KIAA1671: variants seen among roughly 807,000 people sequenced by gnomAD.
The protein encoded by KIAA1671 is uncharacterized protein KIAA1671.
Under a neutral mutation model 131.2 loss-of-function variants are expected in KIAA1671, and 52 were observed. That is an observed-to-expected ratio of 0.40 (90% CI 0.32 to 0.50). The LOEUF (loss-of-function observed/expected upper bound fraction) is 0.50, where lower values mean the gene tolerates loss of function less well. Ranked by LOEUF, KIAA1671 falls within the 20% of genes least tolerant of loss-of-function variation. The pLI is 0.73. For synonymous variants in KIAA1671, 1,003 were observed against 961.6 expected (o/e 1.04, Z -0.80); for missense variants, 2,360 against 2,364.2 (o/e 1.00, Z 0.04).
At chr22:25,166,861 C>T (rs1933663646) in intron 6 of KIAA1671, among the ~76,000 whole-genome samples, 1 of 152,160 alleles carries the variant, frequency 6.6e-6, no homozygotes, top group South Asian at 2.1e-4. Context: ...ACTCCTCTGC[C>T]TCCCGCTGAG....
At chr22:25,113,989 G>T (rs1931525192) in intron 6 of KIAA1671, among the ~76,000 whole-genome samples, 1 of 152,184 alleles carries the variant, frequency 6.6e-6, no homozygotes, top group African/African-American at 2.4e-5. Context: ...TCCCCACCCT[G>T]GGGAGTGGTG....
intron 1 of KIAA1671, among the ~76,000 whole-genome samples, chr22:24,986,092 C>G (rs991522991): frequency 6.6e-6 from 1 of 152,168 alleles, no homozygotes; most frequent in Non-Finnish European, 1.5e-5. Flanking sequence ...GGACTTATCT[C>G]AGATGAATCA....
intron 6 of KIAA1671, chr22:25,070,522 C>G: frequency 2.4e-6 from 1 of 408,908 alleles, no homozygotes; most frequent in Admixed American, 4.4e-5. Context: ...TTAGCAATGT[C>G]TCTGTTTTCT....
chr22:25,128,048 T>C (rs557177181), intron 6 of KIAA1671, among the ~76,000 whole-genome samples: 10 of 152,196 alleles, frequency 6.6e-5, no homozygotes, highest in Non-Finnish European at 1.0e-4. Context: ...TCAACCTCTT[T>C]GAGTTGTGAT....
intron 10 of KIAA1671, 33 bp from the exon 11 acceptor site, chr22:25,184,944 C>T: frequency 1.3e-6 from 2 of 1,550,210 alleles, no homozygotes; most frequent in Non-Finnish European, 1.7e-6. Context: ...AGACAAAGGG[C>T]AGCTTATAGA....
chr22:25,073,649 G>T (rs1928944753), intron 6 of KIAA1671, among the ~76,000 whole-genome samples: 1 of 152,130 alleles, frequency 6.6e-6, no homozygotes, highest in Non-Finnish European at 1.5e-5. Context: ...CTGCAACTTT[G>T]TACCCTTTAA....
intron 1 of KIAA1671, among the ~76,000 whole-genome samples, chr22:25,006,670 T>G: frequency 6.6e-6 from 1 of 152,238 alleles, no homozygotes; most frequent in East Asian, 1.9e-4. Flanking sequence ...TTCACAGTTC[T>G]GATGGTCAGC....
intron 6 of KIAA1671, among the ~76,000 whole-genome samples, chr22:25,101,495 G>C (rs991377065): frequency 6.6e-6 from 1 of 151,032 alleles, no homozygotes; most frequent in Non-Finnish European, 1.5e-5. Flanking sequence ...GATTTTTATT[G>C]ATTGATTGAT....
chr22:24,961,304 G>T (rs1040382589), intron 1 of KIAA1671, among the ~76,000 whole-genome samples: 1 of 152,114 alleles, frequency 6.6e-6, no homozygotes, highest in Non-Finnish European at 1.5e-5. Flanking sequence ...CTGGCCCTTG[G>T]GTTTTAATAC....
At chr22:25,082,036 C>A (rs989362130) in intron 6 of KIAA1671, among the ~76,000 whole-genome samples, 2 of 152,030 alleles carry the variant, frequency 1.3e-5, no homozygotes, top group Non-Finnish European at 2.9e-5. Context: ...AGGTTGATGC[C>A]CTCTCCGTGC....
At chr22:25,134,956 G>A (rs1932607600) in intron 6 of KIAA1671, among the ~76,000 whole-genome samples, 1 of 152,206 alleles carries the variant, frequency 6.6e-6, no homozygotes, top group Admixed American at 6.5e-5. Flanking sequence ...ATACATGTTA[G>A]CAGTTATCCT....
At chr22:25,113,231 G>C (rs1385732091) in intron 6 of KIAA1671, among the ~76,000 whole-genome samples, 1 of 152,104 alleles carries the variant, frequency 6.6e-6, no homozygotes, top group Non-Finnish European at 1.5e-5. Context: ...GCCAGGTCCC[G>C]AACCCCAGGC....
chr22:24,993,519 C>A (rs1923952664), intron 1 of KIAA1671, among the ~76,000 whole-genome samples: 1 of 152,212 alleles, frequency 6.6e-6, no homozygotes, highest in Admixed American at 6.5e-5. Context: ...TCCAGGAATC[C>A]TTCCTGATCA....
chr22:25,172,828 G>T (rs1933894507), intron 7 of KIAA1671, among the ~76,000 whole-genome samples: 1 of 152,212 alleles, frequency 6.6e-6, no homozygotes, highest in Non-Finnish European at 1.5e-5. Flanking sequence ...GCTGGAGTCA[G>T]ACTGCCTGGG....
At chr22:24,970,107 G>A (rs1922521328) in intron 1 of KIAA1671, among the ~76,000 whole-genome samples, 1 of 152,174 alleles carries the variant, frequency 6.6e-6, no homozygotes, top group Non-Finnish European at 1.5e-5. Context: ...TGAGGCCTGG[G>A]CATTGTCCAA....
At chr22:24,997,494 G>A (rs1360675683) in intron 1 of KIAA1671, among the ~76,000 whole-genome samples, 7 of 152,140 alleles carry the variant, frequency 4.6e-5, no homozygotes, top group East Asian at 1.9e-4. Context: ...GTCGATGTCC[G>A]GGATAAGTGA....
At chr22:25,130,862 C>T (rs1480084846) in intron 6 of KIAA1671, among the ~76,000 whole-genome samples, 6 of 152,194 alleles carry the variant, frequency 3.9e-5, no homozygotes, top group Non-Finnish European at 7.3e-5. Context: ...GCATGGGTGA[C>T]CAGGAAGACA....
chr22:25,041,391 G>T lies in KIAA1671; in HGVS notation c.4261G>T (p.Gly1421Cys). The T allele has an allele frequency of 6.4e-7, 1 of 1,551,776 alleles. No individual in the cohort carries two copies. The highest frequency in any genetic ancestry group is 8.7e-7 in the Non-Finnish European group (1 of 1,147,006). The change falls in exon 5 of 13, where the codon GGC becomes TGC. Residue 1421 changes from glycine to cysteine, a missense_variant. This residue lies in a region of KIAA1671 where 1,161 missense variants were observed against 1,204.7 expected (regional missense o/e 0.96). Coordinates refer to ENST00000358431, the MANE Select transcript of KIAA1671 (RefSeq NM_001145206.2). The part of the protein sequence containing the change: ...EKGPPANIRE[G>C]LSIMHEARER... ...GGGGCCCCCTGCCAACATCCGAGAG[G>T]GCCTGTCCATCATGCATGAAGCCAG...
Position 25,028,992 on chromosome 22 carries a change from C to T in KIAA1671, c.993C>T (p.Val331=). 2 of 1,522,506 alleles carry T rather than the reference C, an allele frequency of 1.3e-6. No individual in the cohort carries two copies. The highest frequency in any genetic ancestry group is 1.3e-5 in the South Asian group (1 of 79,242). The allele number at this position is 1,522,506 out of a possible 1,614,324, so 94.3% of individuals were successfully genotyped here. ...CCAAGCTGGACAGGGACTGTTTGGT[C>T]AAGGCGGAGGCTCCTCTTCATGATC... ...AASKLDRDCL[V]KAEAPLHDPD... Residue 331 remains valine (V), a synonymous_variant, in exon 3 of 13, where the codon GTC becomes GTT. Transcript: ENST00000358431.
Sources: gnomAD v4.1 joint callset for allele counts (sites outside exome capture counted in the v4.1 genomes callset) on GRCh38, gnomAD v4.1.1 for gene constraint, gnomAD v4.1.1 regional missense constraint, MANE v1.5 for transcripts, NCBI Gene and HGNC (gene_info 2026-07-23, HGNC 2026-07-21) for gene names.